GRIA4: variants seen among roughly 807,000 people sequenced by gnomAD.
The protein encoded by GRIA4 is glutamate receptor 4.
In GRIA4, 34 loss-of-function variants were observed where a neutral mutation model predicts 104.0. That is an observed-to-expected ratio of 0.33 (90% CI 0.25 to 0.44). The LOEUF (loss-of-function observed/expected upper bound fraction) is 0.44. GRIA4 is among the 20% of genes least tolerant of loss of function. The probability of loss-of-function intolerance (pLI) is 1.00; values close to 1 mark genes in which losing one functional copy is unlikely to be tolerated. For synonymous variants in GRIA4, 386 were observed against 381.9 expected, an observed-to-expected ratio of 1.01 and a Z score of -0.13; for missense variants, 750 against 1,096.5, an observed-to-expected ratio of 0.68 and a Z score of 4.46.
intron 6 of GRIA4, among the ~76,000 whole-genome samples, chr11:105,887,947 T>C (rs1194760596): frequency 6.6e-6 from 1 of 152,316 alleles, no homozygotes; most frequent in East Asian, 1.9e-4. Flanking sequence ...ATTTTAAGAA[T>C]AACTGTATAT....
intron 4 of GRIA4, among the ~76,000 whole-genome samples, chr11:105,833,914 T>C (rs2135939956): frequency 6.6e-6 from 1 of 152,218 alleles, no homozygotes; most frequent in South Asian, 2.1e-4. Context: ...GAGTCTCAAC[T>C]GTTTATTTTA....
chr11:105,752,917 A>C, intron 3 of GRIA4, 64 bp from the exon 4 acceptor site: 2 of 1,464,304 alleles, frequency 1.4e-6, no homozygotes, highest in South Asian at 2.4e-5. Context: ...TCTAGAATGT[A>C]GACTTCAAAG....
At position 105,650,587 on chromosome 11, in the gene GRIA4, A is replaced by C. The variant is rs193144383; in HGVS notation, c.247+38153A>C. Reference sequence around the variant, plus strand: ...AGACAAGGAAAACAGTTTAGATTCTAATCAAAGTGTTTCAACTTTTGGTGT... The same window carrying C: ...AGACAAGGAAAACAGTTTAGATTCTCATCAAAGTGTTTCAACTTTTGGTGT... On this transcript the variant is annotated intron_variant, in intron 3 of 16. Coordinates refer to ENST00000282499, the MANE Select transcript of GRIA4 (RefSeq NM_000829.4). 2.0e-3 allele frequency among the ~76,000 whole-genome samples: 309 copies of C among 152,326 alleles called. 5 individuals are homozygous for C. The highest frequency in any genetic ancestry group is 0.019 in the Admixed American group (289 of 15,292).
intron 16 of GRIA4, among the ~76,000 whole-genome samples, chr11:105,976,374 G>A (rs1036164071): frequency 5.3e-5 from 8 of 152,022 alleles, no homozygotes; most frequent in African/African-American, 9.6e-5. Flanking sequence ...AAATTCCCAC[G>A]TCATATATAT....
At chr11:105,775,318 A>C (rs1422397238) in intron 4 of GRIA4, among the ~76,000 whole-genome samples, 1 of 152,208 alleles carries the variant, frequency 6.6e-6, no homozygotes, top group Non-Finnish European at 1.5e-5. Context: ...TCCAGGAATT[A>C]GGATCTGGAT....
At chr11:105,825,003 A>G (rs947967381) in intron 4 of GRIA4, among the ~76,000 whole-genome samples, 4 of 152,094 alleles carry the variant, frequency 2.6e-5, no homozygotes, top group Admixed American at 2.6e-4. Flanking sequence ...CACTGAGGTC[A>G]GTGAACGACT....
Position 105,924,383 on chromosome 11 carries a change from G to GT in GRIA4, c.1477-10dup, listed in dbSNP as rs376738952. On this transcript the variant is annotated splice_polypyrimidine_tract_variant and intron_variant, in intron 11 of 16. Transcript: ENST00000282499. ...TTCATTAACCTATGTGTCTCCATGTGTTTTTTCTCTTATAGAAAGCAGAGA... is the reference window on the plus strand; with the variant it reads ...TTCATTAACCTATGTGTCTCCATGTGTTTTTTTCTCTTATAGAAAGCAGAGA... 5.6e-4 allele frequency: 870 copies of GT among 1,558,738 alleles called. 9 individuals are homozygous for GT. The African/African-American group carries it at 0.01, about 19-fold the overall frequency.
At position 105,810,029 on chromosome 11, in the gene GRIA4, T is replaced by C. The variant is rs538103599; in HGVS notation, c.488-51995T>C. ...ATTTAAGGATAAGGTTGTTATCTGA[T>C]TGATAACAATTCATTGGTTTCTACT... is the stretch of plus-strand genomic sequence containing the variant. On this transcript the variant is annotated intron_variant, in intron 4 of 16. Coordinates refer to ENST00000282499, the MANE Select transcript of GRIA4 (RefSeq NM_000829.4). Among the ~76,000 whole-genome samples the C allele has an allele frequency of 4.6e-5, 7 of 152,282 alleles. No individual in the cohort carries two copies. The East Asian group carries it at 9.7e-4, about 21-fold the overall frequency.
chr11:105,880,886 G>A (rs2136079931), intron 5 of GRIA4, among the ~76,000 whole-genome samples: 1 of 152,194 alleles, frequency 6.6e-6, no homozygotes, highest in Non-Finnish European at 1.5e-5. Flanking sequence ...TGAAAAGCTT[G>A]GGATCATTAG....
intron 14 of GRIA4, among the ~76,000 whole-genome samples, chr11:105,968,434 A>C (rs1009970137): frequency 2.6e-5 from 4 of 152,226 alleles, no homozygotes; most frequent in Non-Finnish European, 5.9e-5. Context: ...TCGCTGCAGC[A>C]GCTTCCCTGT....
At chr11:105,888,186 C>T (rs1946334465) in intron 6 of GRIA4, among the ~76,000 whole-genome samples, 1 of 146,662 alleles carries the variant, frequency 6.8e-6, no homozygotes, top group African/African-American at 2.5e-5. Context: ...GGCCCAGCCT[C>T]TCTTGCTTTA....
chr11:105,934,499 C>T (rs1175656639), intron 14 of GRIA4, among the ~76,000 whole-genome samples: 1 of 151,960 alleles, frequency 6.6e-6, no homozygotes, highest in Non-Finnish European at 1.5e-5. Flanking sequence ...TTTATAAAAG[C>T]AATCACAGTC....
intron 3 of GRIA4, among the ~76,000 whole-genome samples, chr11:105,735,810 T>TAGA (rs1474632957): frequency 5.3e-5 from 8 of 152,136 alleles, no homozygotes; most frequent in African/African-American, 1.9e-4. Flanking sequence ...TCCTTGGCAC[T>TAGA]AGAAGGATAC....
chr11:105,784,049 T>A (rs769370067), intron 4 of GRIA4, among the ~76,000 whole-genome samples: 1 of 152,158 alleles, frequency 6.6e-6, no homozygotes, highest in Non-Finnish European at 1.5e-5. Context: ...GATTGCTGAA[T>A]CTCCTTGTAG....
chr11:105,862,671 A>G (rs748152604), intron 5 of GRIA4: 4 of 104,454 alleles, frequency 3.8e-5, no homozygotes, highest in Admixed American at 9.9e-5. Flanking sequence ...ACTGTATATA[A>G]TTTAGTGGAA....
At chr11:105,872,376 A>C (rs986197103) in intron 5 of GRIA4, among the ~76,000 whole-genome samples, 1 of 152,122 alleles carries the variant, frequency 6.6e-6, no homozygotes, top group African/African-American at 2.4e-5. Context: ...TATTAAAAGA[A>C]GCCTCCCAGA....
intron 4 of GRIA4, among the ~76,000 whole-genome samples, chr11:105,836,819 T>C (rs1029444742): frequency 1.1e-4 from 17 of 152,196 alleles, no homozygotes; most frequent in Admixed American, 1.0e-3. Flanking sequence ...ATTTACTATA[T>C]GTGTGTATAT....
At chr11:105,851,297 A>T (rs1189515989) in intron 4 of GRIA4, among the ~76,000 whole-genome samples, 1 of 152,186 alleles carries the variant, frequency 6.6e-6, no homozygotes, top group Admixed American at 6.6e-5. Flanking sequence ...GGGAAATCAA[A>T]ATGAATAAAA....
chr11:105,904,818 C>A (rs981697199), intron 8 of GRIA4, among the ~76,000 whole-genome samples: 1 of 152,064 alleles, frequency 6.6e-6, no homozygotes, highest in African/African-American at 2.4e-5. Context: ...AGAATATGAT[C>A]TGGCATAAGT....
Sources: allele counts gnomAD v4.1 joint callset (sites outside exome capture counted in the v4.1 genomes callset), GRCh38; gene constraint gnomAD v4.1.1; transcripts MANE v1.5; gene names NCBI Gene and HGNC (gene_info 2026-07-23, HGNC 2026-07-21).